The following SDK1 variants were observed in gnomAD, a reference collection of about 807,000 sequenced individuals.
SDK1 encodes sidekick cell adhesion molecule 1, also known as protein sidekick-1.
SDK1 carries 157 observed loss-of-function variants against 245.5 expected under a neutral mutation model. The ratio of observed to expected loss-of-function variants is 0.64; its 90% CI spans 0.56 to 0.73. The LOEUF is 0.73. Among genes scored for constraint, SDK1 ranks in the 30% least tolerant of loss-of-function variants. The probability of loss-of-function intolerance (pLI) is 0.00; values close to 1 mark genes in which losing one functional copy is unlikely to be tolerated. For synonymous variants in SDK1, 1,647 were observed against 1,278.5 expected, an observed-to-expected ratio of 1.29 and a Z score of -6.15; for missense variants, 3,583 against 3,002.3, an observed-to-expected ratio of 1.19 and a Z score of -4.52.
chr7:3,645,374 T>A (rs1782796677), intron 4 of SDK1, among the ~76,000 whole-genome samples: 1 of 152,158 alleles, frequency 6.6e-6, no homozygotes, highest in Admixed American at 6.5e-5. Context: ...TACAAGGCCC[T>A]TTAGTTTCGT....
intron 1 of SDK1, among the ~76,000 whole-genome samples, chr7:3,349,894 G>T (rs1391013528): frequency 1.3e-5 from 2 of 152,180 alleles, no homozygotes; most frequent in African/African-American, 4.8e-5. Context: ...GAGCCACCGT[G>T]CCCGGCCTAA....
At chr7:3,366,435 C>T (rs2128562018) in intron 1 of SDK1, among the ~76,000 whole-genome samples, 1 of 152,016 alleles carries the variant, frequency 6.6e-6, no homozygotes, top group African/African-American at 2.4e-5. Flanking sequence ...TTTACAGTTA[C>T]ATTAAGTACT....
chr7:3,986,571 T>C (rs1201430869), intron 13 of SDK1, among the ~76,000 whole-genome samples: 1 of 152,178 alleles, frequency 6.6e-6, no homozygotes, highest in Non-Finnish European at 1.5e-5. Flanking sequence ...TTAAATAATG[T>C]ATGTGTAGGC....
chr7:3,619,944 C>T (rs62437885), intron 2 of SDK1, among the ~76,000 whole-genome samples: 1,675 of 152,236 alleles, frequency 0.011, 11 homozygotes, highest in Middle Eastern at 0.031. Context: ...TCAGAGCTTT[C>T]CAGGGGTATA....
chr7:3,412,533 G>A (rs1443774118), intron 1 of SDK1, among the ~76,000 whole-genome samples: 1 of 152,174 alleles, frequency 6.6e-6, no homozygotes, highest in Non-Finnish European at 1.5e-5. Flanking sequence ...TCTTGTTCAT[G>A]GACATTATAA....
intron 1 of SDK1, among the ~76,000 whole-genome samples, chr7:3,388,911 G>C (rs1488067401): frequency 6.6e-6 from 1 of 152,160 alleles, no homozygotes; most frequent in Admixed American, 6.5e-5. Flanking sequence ...GGGAAAGCTG[G>C]TAATCAACAA....
intron 4 of SDK1, among the ~76,000 whole-genome samples, chr7:3,696,907 C>T (rs1274686788): frequency 6.6e-6 from 1 of 150,866 alleles, no homozygotes; most frequent in Non-Finnish European, 1.5e-5. Context: ...ATAGAAGTTC[C>T]TTTAAAAAAA....
chr7:3,749,480 T>C (rs992889157), intron 4 of SDK1, among the ~76,000 whole-genome samples: 5 of 152,208 alleles, frequency 3.3e-5, no homozygotes, highest in Non-Finnish European at 7.3e-5. Flanking sequence ...TTTGTATCTT[T>C]AGTAGAGACA....
chr7:4,058,054 C>G (rs1779308659), intron 19 of SDK1, among the ~76,000 whole-genome samples: 1 of 151,260 alleles, frequency 6.6e-6, no homozygotes, highest in Non-Finnish European at 1.5e-5. Context: ...GCAACAGATT[C>G]CAATGAAAAA....
Position 4,026,493 on chromosome 7 carries a change from T to C in SDK1, c.2602+9141T>C, listed in dbSNP as rs1787357315. ...GGTGTGCAGACAGCCTGCCAGGGCCTGCGGGCTCTCCCCACGTGCTGTGCC... is the reference window on the plus strand; with the variant it reads ...GGTGTGCAGACAGCCTGCCAGGGCCCGCGGGCTCTCCCCACGTGCTGTGCC... On this transcript the variant is annotated intron_variant, in intron 17 of 44. Coordinates refer to ENST00000404826, the MANE Select transcript of SDK1 (RefSeq NM_152744.4). This position sits in a 1 kb window ranked among gnomAD's most constrained non-coding sequence, Gnocchi z 4.1. 6.6e-6 allele frequency among the ~76,000 whole-genome samples: 1 copy of C among 152,236 alleles called. No individual in the cohort carries two copies. Among genetic ancestry groups the C allele is most frequent in the South Asian group, 2.1e-4 (1 of 4,832 alleles).
chr7:3,741,285 C>G lies in SDK1; in HGVS notation c.714-80165C>G, dbSNP rs112720114. Among the ~76,000 whole-genome samples the G allele has an allele frequency of 8.0e-3, 1,223 of 152,266 alleles. 15 individuals carry two copies. The highest frequency in any genetic ancestry group is 0.017 in the South Asian group (84 of 4,810). On this transcript the variant is annotated intron_variant, in intron 4 of 44. Coordinates refer to ENST00000404826, the MANE Select transcript of SDK1 (RefSeq NM_152744.4). ...GAGTAACCAAAACTTTAGGAAGGCC[C>G]TGTCAGCCCACCTCCCTCACTGGCA...
chr7:3,648,500 A>G (rs1361556714), intron 4 of SDK1, among the ~76,000 whole-genome samples: 1 of 152,252 alleles, frequency 6.6e-6, no homozygotes, highest in African/African-American at 2.4e-5. Flanking sequence ...TATGGGCAGT[A>G]AACAGCATCC....
chr7:3,522,808 T>G (rs972723306), intron 1 of SDK1, among the ~76,000 whole-genome samples: 1 of 152,152 alleles, frequency 6.6e-6, no homozygotes, highest in Non-Finnish European at 1.5e-5. Context: ...TAAAATTGTT[T>G]CCGTGTTGAT....
intron 1 of SDK1, among the ~76,000 whole-genome samples, chr7:3,481,914 A>G (rs1179836455): frequency 2.6e-5 from 4 of 152,236 alleles, no homozygotes; most frequent in Non-Finnish European, 5.9e-5. Flanking sequence ...GTGAGAAAGG[A>G]ATGCTTAATC....
chr7:3,536,743 G>GTAAAGTA, intron 1 of SDK1, among the ~76,000 whole-genome samples: 1 of 151,796 alleles, frequency 6.6e-6, no homozygotes, highest in African/African-American at 2.4e-5. Context: ...AAAAGTGTCT[G>GTAAAGTA]AAAGTAAATA....
At position 3,975,952 on chromosome 7, in the gene SDK1, G is replaced by GCGAGGCTA. The variant is rs1360630972; in HGVS notation, c.1994+1408_1994+1409insGAGGCTAC. 1.8e-4 allele frequency among the ~76,000 whole-genome samples: 25 copies of GCGAGGCTA among 138,972 alleles called. No individual in the cohort carries two copies. The East Asian group carries it at 3.7e-3, about 21-fold the overall frequency. The allele number at this position is 138,972 out of a possible 152,430, so 91.2% of individuals were successfully genotyped here. A position where few individuals can be genotyped will look rare whatever the true frequency, so the allele number is the denominator to read the frequency against. Reference sequence around the variant, plus strand: ...CACTGAGGGTCCCGGGGCTGAGGCTGCCACGCAGAGGGTCCTCCAGAGAAT... The same window carrying GCGAGGCTA: ...CACTGAGGGTCCCGGGGCTGAGGCTGCGAGGCTACCACGCAGAGGGTCCTCCAGAGAAT... On this transcript the variant is annotated intron_variant, in intron 13 of 44. Transcript: ENST00000404826.
At chr7:4,037,087 A>G (rs1475920842) in intron 17 of SDK1, among the ~76,000 whole-genome samples, 1 of 152,224 alleles carries the variant, frequency 6.6e-6, no homozygotes, top group Admixed American at 6.5e-5. Context: ...TGCATTGTTC[A>G]TAGATTCTTG....
At chr7:4,135,358 A>T in intron 28 of SDK1, among the ~76,000 whole-genome samples, 1 of 152,330 alleles carries the variant, frequency 6.6e-6, no homozygotes, top group Non-Finnish European at 1.5e-5. Context: ...AGGTGAGCGC[A>T]TTCACACTGC....
chr7:3,525,259 T>A lies in SDK1; in HGVS notation c.299-93821T>A, dbSNP rs976221855. On this transcript the variant is annotated intron_variant, in intron 1 of 44. Coordinates refer to ENST00000404826, the MANE Select transcript of SDK1 (RefSeq NM_152744.4). ...ATGACTGTATGCCTGTACGTGATGA[T>A]GGGCCTCTCTCCATGAATTTAAGTC... Among the ~76,000 whole-genome samples the A allele has an allele frequency of 2.6e-5, 4 of 152,218 alleles. No homozygotes were observed. In the South Asian group the frequency reaches 8.3e-4, roughly 32 times the overall value.
Sources: gnomAD v4.1 joint callset for allele counts (sites outside exome capture counted in the v4.1 genomes callset) on GRCh38, gnomAD v4.1.1 for gene constraint, Gnocchi (gnomAD v3.1) non-coding constraint, MANE v1.5 for transcripts, NCBI Gene and HGNC (gene_info 2026-07-23, HGNC 2026-07-21) for gene names.